The following ABCC1 variants were observed in gnomAD, a reference collection of about 807,000 sequenced individuals.
ABCC1 encodes ATP binding cassette subfamily C member 1 (ABCC1 blood group), also known as multidrug resistance-associated protein 1.
ABCC1 carries 83 observed loss-of-function variants against 172.9 expected under a neutral mutation model. The observed-to-expected ratio is 0.48, with a 90% CI of 0.40 to 0.58. ABCC1 has a LOEUF of 0.58. Among genes scored for constraint, ABCC1 ranks in the 20% least tolerant of loss-of-function variants. The probability of loss-of-function intolerance (pLI) is 0.00; values close to 1 mark genes in which losing one functional copy is unlikely to be tolerated. For missense variants in ABCC1, 1,817 were observed against 2,002.7 expected (o/e 0.91, Z 1.77); for synonymous variants, 937 against 825.2 (o/e 1.14, Z -2.32).
intron 19 of ABCC1, 37 bp downstream of exon 19, chr16:16,090,625 T>A: frequency 6.6e-7 from 1 of 1,520,348 alleles, no homozygotes; most frequent in African/African-American, 1.4e-5. Flanking sequence ...ACTCAGGGTG[T>A]CTGGCACCTT....
intron 18 of ABCC1, among the ~76,000 whole-genome samples, chr16:16,088,801 G>T (rs189258848): frequency 1.3e-5 from 2 of 151,834 alleles, no homozygotes; most frequent in African/African-American, 2.4e-5. Context: ...CCAGCTCCTC[G>T]GCTGAATCAA....
chr16:16,052,486 A>G (rs1425225425), intron 10 of ABCC1, among the ~76,000 whole-genome samples: 1 of 152,068 alleles, frequency 6.6e-6, no homozygotes, highest in East Asian at 1.9e-4. Context: ...ATGTGGCCCC[A>G]AGGGCTTGGG....
rs574165058 is a variant in ABCC1, at chr16:16,109,017, T to TA, written c.2871+2144_2871+2145insA. On this transcript the variant is annotated intron_variant, in intron 21 of 30. Coordinates refer to ENST00000399410, the MANE Select transcript of ABCC1 (RefSeq NM_004996.4). ...TTGGCCGCATGACAAAGCCAAGTGG[T>TA]GAAATAAACACATTCTTAATTATGA... Among the ~76,000 whole-genome samples the TA allele has an allele frequency of 2.3e-3, 343 of 152,074 alleles. 4 individuals are homozygous for TA. Among genetic ancestry groups the TA allele is most frequent in the African/African-American group, 8.0e-3 (332 of 41,496 alleles).
At chr16:16,046,289 C>T (rs891618840) in intron 9 of ABCC1, among the ~76,000 whole-genome samples, 11 of 152,090 alleles carry the variant, frequency 7.2e-5, no homozygotes, top group African/African-American at 2.7e-4. Context: ...TGGGGAAATC[C>T]AAGTTTGGAT....
At chr16:15,965,213 C>G (rs916624263) in intron 1 of ABCC1, among the ~76,000 whole-genome samples, 4 of 151,998 alleles carry the variant, frequency 2.6e-5, no homozygotes, top group Non-Finnish European at 5.9e-5. Flanking sequence ...CGATAGTTCC[C>G]TGTGTTGGTG....
At position 16,111,371 on chromosome 16, in the gene ABCC1, C is replaced by G. The variant is rs746878399; in HGVS notation, c.2872-4C>G. The G allele has an allele frequency of 6.2e-7, 1 of 1,613,994 alleles. No homozygotes were observed. The highest frequency in any genetic ancestry group is 8.5e-7 in the Non-Finnish European group (1 of 1,179,912). ...TAAGCTGCCTTATCTCCTGTGATCT[C>G]CAGGTCAAGCTTTCCGTGTACTGGG... On this transcript the variant is annotated splice_region_variant and splice_polypyrimidine_tract_variant and intron_variant, in intron 21 of 30. Transcript: ENST00000399410.
At chr16:15,976,674 T>G (rs951504972) in intron 1 of ABCC1, among the ~76,000 whole-genome samples, 8 of 152,150 alleles carry the variant, frequency 5.3e-5, no homozygotes, top group Non-Finnish European at 1.0e-4. Context: ...GCACGTGGCT[T>G]TATGAGCTGT....
chr16:16,051,521 C>T (rs1023578640), intron 10 of ABCC1, among the ~76,000 whole-genome samples: 1 of 152,106 alleles, frequency 6.6e-6, no homozygotes, highest in Non-Finnish European at 1.5e-5. Flanking sequence ...TTAAGGCACA[C>T]ATGGGGCGGT....
intron 1 of ABCC1, among the ~76,000 whole-genome samples, chr16:15,960,733 G>C (rs986369617): frequency 6.6e-6 from 1 of 152,160 alleles, no homozygotes; most frequent in Non-Finnish European, 1.5e-5. Context: ...GGGAGTCCCA[G>C]AGTGGGAAGA....
At chr16:16,056,780 G>A (rs1348191869) in intron 12 of ABCC1, among the ~76,000 whole-genome samples, 1 of 151,894 alleles carries the variant, frequency 6.6e-6, no homozygotes, top group Non-Finnish European at 1.5e-5. Context: ...GCAGCTTCTA[G>A]CCAACCTGTG....
intron 20 of ABCC1, 92 bp downstream of exon 20, chr16:16,102,809 G>A (rs1391885523): frequency 2.4e-6 from 3 of 1,225,052 alleles, no homozygotes; most frequent in African/African-American, 1.5e-5. Context: ...AGCCCCCTGA[G>A]GTCCTGGAAG....
chr16:16,023,926 C>T (rs1030377669), intron 5 of ABCC1, among the ~76,000 whole-genome samples: 3 of 152,076 alleles, frequency 2.0e-5, no homozygotes, highest in East Asian at 3.9e-4. Flanking sequence ...ACTTGGAATT[C>T]GGCTTGGCTA....
chr16:16,138,337 T>C (rs998169882), intron 29 of ABCC1, 27 bp from the exon 30 acceptor site: 2 of 1,553,544 alleles, frequency 1.3e-6, no homozygotes, highest in Non-Finnish European at 8.8e-7. Context: ...CCCAACACTA[T>C]CTCCTGGTTT....
At chr16:16,038,704 C>G (rs2151853458) in intron 7 of ABCC1, among the ~76,000 whole-genome samples, 1 of 152,294 alleles carries the variant, frequency 6.6e-6, no homozygotes, top group East Asian at 1.9e-4. Context: ...CTAACATCAC[C>G]CATCTCATCT....
In ABCC1 at chr16:16,106,860, C is replaced by A; in HGVS notation, c.2858C>A (p.Ala953Glu). ...ETWKLMEADK[A>E]QTGQVKLSVY... is the part of the protein sequence containing the mutation. ...TGGAAGCTGATGGAGGCTGACAAGGCGCAGACAGGGCAGGTGAGATTCGCT... is the reference window on the plus strand; with the variant it reads ...TGGAAGCTGATGGAGGCTGACAAGGAGCAGACAGGGCAGGTGAGATTCGCT... Residue 953 changes from alanine (A) to glutamate (E), a missense_variant, in exon 21 of 31, where the codon GCG (alanine) becomes GAG (glutamate). Ala to Glu is a moderately radical substitution (Grantham distance 107, BLOSUM62 -1). Around this residue, in one of 3 missense-constraint regions of ABCC1, gnomAD observed 1,412 missense variants for 1,600.3 expected, o/e 0.88. Coordinates refer to ENST00000399410, the MANE Select transcript of ABCC1 (RefSeq NM_004996.4). 6.2e-7 allele frequency: 1 copy of A among 1,614,052 alleles called. No homozygotes were observed. The highest frequency in any genetic ancestry group is 1.1e-5 in the South Asian group (1 of 91,068).
rs539089589 is a variant in ABCC1, at chr16:15,962,081, T to C, written c.48+12282T>C. ...CCCACCAGCACTTATTAAGCACCTG[T>C]TGTTTTCCTGCCATATCAGAAAAAT... On this transcript the variant is annotated intron_variant, in intron 1 of 30. Transcript: ENST00000399410. Among the ~76,000 whole-genome samples, 5 of 152,314 alleles carry C rather than the reference T, an allele frequency of 3.3e-5. No homozygotes were observed. In the East Asian group the frequency reaches 7.7e-4, roughly 23 times the overall value.
chr16:15,973,331 T>C (rs1340524169), intron 1 of ABCC1, among the ~76,000 whole-genome samples: 1 of 152,116 alleles, frequency 6.6e-6, no homozygotes, highest in Non-Finnish European at 1.5e-5. Flanking sequence ...TTTGGCAATG[T>C]CTGGAAACAT....
At chr16:16,084,715 A>T (rs963637625) in intron 17 of ABCC1, among the ~76,000 whole-genome samples, 3 of 148,614 alleles carry the variant, frequency 2.0e-5, no homozygotes, top group Non-Finnish European at 4.5e-5. Context: ...CTGCCTCCTG[A>T]GTTCAAGTGA....
intron 21 of ABCC1, among the ~76,000 whole-genome samples, chr16:16,109,943 G>A (rs1479233026): frequency 1.3e-5 from 2 of 152,130 alleles, no homozygotes; most frequent in African/African-American, 2.4e-5. Context: ...GACTGCGACC[G>A]GTTTTTCCAG....
Sources: gnomAD v4.1 joint callset for allele counts (sites outside exome capture counted in the v4.1 genomes callset) on GRCh38, gnomAD v4.1.1 for gene constraint, gnomAD v4.1.1 regional missense constraint, MANE v1.5 for transcripts, NCBI Gene and HGNC (gene_info 2026-07-23, HGNC 2026-07-21) for gene names.